The following CHLSN variants were observed in gnomAD, a reference collection of about 807,000 sequenced individuals.
CHLSN encodes protein cholesin.
the CHLSN span, among the ~76,000 whole-genome samples, chr7:1,083,360 C>T: frequency 1.3e-5 from 2 of 152,112 alleles, no homozygotes; most frequent in Admixed American, 1.3e-4. Context: ...CGCGGTGGCT[C>T]AAGCCTGTAA....
the CHLSN span, among the ~76,000 whole-genome samples, chr7:1,061,607 G>A: frequency 0.019 from 2,930 of 152,140 alleles, 108 homozygotes; most frequent in East Asian, 0.18. Flanking sequence ...GGGAAGATTC[G>A]GCACCTCCTG....
chr7:1,022,168 G>A, the CHLSN span, among the ~76,000 whole-genome samples: 39,363 of 152,120 alleles, frequency 0.26, 5,503 homozygotes, highest in Admixed American at 0.36. Flanking sequence ...CGGTGGTGAC[G>A]GCAGCTCAGG....
the CHLSN span, among the ~76,000 whole-genome samples, chr7:1,123,937 A>C: frequency 1.1e-3 from 166 of 151,740 alleles, 1 homozygote; most frequent in African/African-American, 3.9e-3. This position sits in a 1 kb window ranked among gnomAD's most constrained non-coding sequence, Gnocchi z 4.4. Context: ...CCAAAGGCTA[A>C]GGAACCAGCT....
chr7:1,083,724 T>C, the CHLSN span, among the ~76,000 whole-genome samples: 1 of 151,736 alleles, frequency 6.6e-6, no homozygotes, highest in Non-Finnish European at 1.5e-5. Flanking sequence ...TGTGGTCAAC[T>C]GTGGTCTGCA....
chr7:1,111,387 C>G, the CHLSN span, among the ~76,000 whole-genome samples: 1 of 152,232 alleles, frequency 6.6e-6, no homozygotes, highest in Admixed American at 6.5e-5. Flanking sequence ...TCTCAAAGTG[C>G]AACTTTAAGG....
chr7:1,118,931 A>C, the CHLSN span, among the ~76,000 whole-genome samples: 46 of 152,176 alleles, frequency 3.0e-4, no homozygotes, highest in African/African-American at 1.0e-3. Context: ...TAACAAGACA[A>C]TGGAATACTA....
At chr7:1,058,418 G>C in the CHLSN span, 1 of 780,746 alleles carries the variant, frequency 1.3e-6, no homozygotes, top group Non-Finnish European at 2.4e-6. Flanking sequence ...ACATGAACCA[G>C]AGCTTCCCCA....
At chr7:1,088,308 G>A in the CHLSN span, 1 of 152,340 alleles carries the variant, frequency 6.6e-6, no homozygotes, top group Non-Finnish European at 1.5e-5. The surrounding 1 kb of genome is among the most constrained non-coding windows in gnomAD (Gnocchi z 4.5). Flanking sequence ...AGCACAGAAG[G>A]GGCTGCAACC....
chr7:1,019,213 G>A, the CHLSN span, among the ~76,000 whole-genome samples: 7,769 of 42,740 alleles, frequency 0.18, 523 homozygotes, highest in Non-Finnish European at 0.21. Context: ...AAAAAAAAAC[G>A]GGGGGGGGGG....
the CHLSN span, chr7:1,058,169 G>T: frequency 6.2e-5 from 46 of 738,392 alleles, no homozygotes; most frequent in Admixed American, 3.4e-4. Context: ...GGGAGGACAC[G>T]CCCCTGGACC....
chr7:992,341 A>G, the CHLSN span, among the ~76,000 whole-genome samples: 1 of 152,218 alleles, frequency 6.6e-6, no homozygotes, highest in Non-Finnish European at 1.5e-5. Context: ...AAAACCACAC[A>G]GTCCCCGAGC....
the CHLSN span, among the ~76,000 whole-genome samples, chr7:1,065,576 T>C: frequency 6.6e-6 from 1 of 152,056 alleles, no homozygotes; most frequent in African/African-American, 2.4e-5. Flanking sequence ...ACGTGCAAAG[T>C]ACTGGAGCCT....
chr7:1,064,386 G>A, the CHLSN span, among the ~76,000 whole-genome samples: 6 of 152,106 alleles, frequency 3.9e-5, no homozygotes, highest in African/African-American at 1.4e-4. Context: ...TTGCTCCAGG[G>A]ACTCTGAGGA....
the CHLSN span, among the ~76,000 whole-genome samples, chr7:1,088,798 T>TTTA: frequency 6.6e-6 from 1 of 152,056 alleles, no homozygotes; most frequent in Non-Finnish European, 1.5e-5. This position sits in a 1 kb window ranked among gnomAD's most constrained non-coding sequence, Gnocchi z 4.5. Context: ...TATTGCACTG[T>TTTA]TTATAACTCC....
the CHLSN span, among the ~76,000 whole-genome samples, chr7:1,085,247 T>A: frequency 2.0e-5 from 3 of 152,226 alleles, no homozygotes; most frequent in Non-Finnish European, 4.4e-5. Flanking sequence ...TTTTATTCTA[T>A]CCTGGGGATG....
chr7:1,094,684 C>T, the CHLSN span, among the ~76,000 whole-genome samples: 2 of 148,418 alleles, frequency 1.3e-5, no homozygotes, highest in East Asian at 1.9e-4. Context: ...CCAGGAAACT[C>T]TCTCTCCTCC....
chr7:1,023,630 CACACACACA>C, the CHLSN span, among the ~76,000 whole-genome samples: 2 of 28,554 alleles, frequency 7.0e-5, no homozygotes, highest in Admixed American at 4.4e-4. This position sits in a 1 kb window ranked among gnomAD's most constrained non-coding sequence, Gnocchi z 5.0. Context: ...AGGAAACACA[CACACACACA>C]CACACACACA....
the CHLSN span, among the ~76,000 whole-genome samples, chr7:1,120,502 G>A: frequency 6.6e-6 from 1 of 152,022 alleles, no homozygotes; most frequent in Non-Finnish European, 1.5e-5. Context: ...ATGTTGCCCC[G>A]GCTGGTCTCA....
chr7:1,119,854 G>A, the CHLSN span, among the ~76,000 whole-genome samples: 1 of 144,998 alleles, frequency 6.9e-6, no homozygotes, highest in Non-Finnish European at 1.5e-5. Context: ...TCCAGCCTGG[G>A]CAACAAGAGC....
Sources: allele counts gnomAD v4.1 joint callset (sites outside exome capture counted in the v4.1 genomes callset), GRCh38; gene constraint gnomAD v4.1.1; non-coding constraint Gnocchi (gnomAD v3.1); transcripts MANE v1.5; gene names NCBI Gene and HGNC (gene_info 2026-07-23, HGNC 2026-07-21).